Variants in ADGRD1 observed in about 807,000 individuals in gnomAD.
ADGRD1 encodes adhesion G protein-coupled receptor D1, also known as G-protein coupled receptor 133.
Under a neutral mutation model 113.4 loss-of-function variants are expected in ADGRD1, and 77 were observed. The ratio of observed to expected loss-of-function variants is 0.68; its 90% CI spans 0.57 to 0.82. The LOEUF is 0.82. ADGRD1 is among the 40% of genes least tolerant of loss of function. The pLI is 0.00. For synonymous variants in ADGRD1, 474 were observed against 475.0 expected (o/e 1.00, Z 0.03); for missense variants, 1,036 against 1,139.1 (o/e 0.91, Z 1.30).
intron 18 of ADGRD1, among the ~76,000 whole-genome samples, chr12:131,115,010 T>G (rs1950430831): frequency 6.6e-6 from 1 of 152,188 alleles, no homozygotes; most frequent in African/African-American, 2.4e-5. Context: ...GGGACAAAAC[T>G]TAATCTTAGT....
chr12:130,965,731 C>A lies in ADGRD1; in HGVS notation c.104-732C>A, dbSNP rs919524455. On this transcript the variant is annotated intron_variant, in intron 2 of 24. Transcript: ENST00000261654. This position sits in a 1 kb window ranked among gnomAD's most constrained non-coding sequence, Gnocchi z 4.8. ...TTCATATAGCATTCAATGAGAAGAG[C>A]AGAATAGAAAATAACATACCTGCAT... Among the ~76,000 whole-genome samples the A allele has an allele frequency of 6.6e-5, 10 of 152,254 alleles. No homozygotes were observed. Among genetic ancestry groups the A allele is most frequent in the African/African-American group, 2.4e-4 (10 of 41,546 alleles).
intron 6 of ADGRD1, chr12:130,989,772 C>T (rs71468461): frequency 0.09 from 13,691 of 152,286 alleles, 802 homozygotes; most frequent in Middle Eastern, 0.16. Context: ...CTGACCGGTC[C>T]GTCCAGGTGT....
rs1950936325 is a variant in ADGRD1 at position 131,131,793 on chromosome 12, C to A, written c.2244C>A (p.Ile748=). 2 of 1,612,478 alleles carry A rather than the reference C, an allele frequency of 1.2e-6. No individual in the cohort carries two copies. The highest frequency in any genetic ancestry group is 2.2e-5 in the East Asian group (1 of 44,828). The change falls in exon 21 of 25, where the codon ATC becomes ATA. Residue 748 remains isoleucine, a synonymous_variant. Coordinates refer to ENST00000261654, the MANE Select transcript of ADGRD1 (RefSeq NM_198827.5). The part of the protein sequence containing the change: ...ISQISADNYK[I]HGDPSAFKLT... ...AGATCAGCGCCGACAACTACAAGATCCATGGAGACCCCAGTGCCTTCAAGT... is the reference window on the plus strand; with the variant it reads ...AGATCAGCGCCGACAACTACAAGATACATGGAGACCCCAGTGCCTTCAAGT...
At chr12:131,118,183 G>A (rs931078902) in intron 18 of ADGRD1, among the ~76,000 whole-genome samples, 1 of 152,228 alleles carries the variant, frequency 6.6e-6, no homozygotes, top group East Asian at 1.9e-4. Context: ...GTATGAGTGT[G>A]TGTGTGTTAT....
At chr12:131,097,582 C>G (rs1274910965) in intron 15 of ADGRD1, among the ~76,000 whole-genome samples, 1 of 152,230 alleles carries the variant, frequency 6.6e-6, no homozygotes, top group East Asian at 1.9e-4. Flanking sequence ...GGCCGCCAAA[C>G]CAGGGATGCC....
chr12:131,073,507 T>C (rs1885339475), intron 13 of ADGRD1, among the ~76,000 whole-genome samples: 1 of 152,214 alleles, frequency 6.6e-6, no homozygotes, highest in South Asian at 2.1e-4. Flanking sequence ...TACCATCAAA[T>C]TTAAGGACCA....
At chr12:130,995,930 C>T (rs917579135) in intron 8 of ADGRD1, among the ~76,000 whole-genome samples, 5 of 152,086 alleles carry the variant, frequency 3.3e-5, no homozygotes, top group Admixed American at 2.0e-4. Flanking sequence ...TGCGGCCTTC[C>T]GCAGTGTTTG....
intron 18 of ADGRD1, among the ~76,000 whole-genome samples, chr12:131,114,297 G>A (rs985305080): frequency 2.6e-5 from 4 of 152,200 alleles, no homozygotes; most frequent in Admixed American, 2.6e-4. Flanking sequence ...TTTGAAAAAT[G>A]AGGAGATCCG....
chr12:130,958,204 TTTC>T (rs1236370980), intron 2 of ADGRD1, among the ~76,000 whole-genome samples: 5 of 53,506 alleles, frequency 9.3e-5, no homozygotes, highest in Admixed American at 5.6e-4. Flanking sequence ...TATCCAATCC[TTTC>T]TTTTTTTTTT....
intron 14 of ADGRD1, among the ~76,000 whole-genome samples, chr12:131,083,608 A>G (rs1280212648): frequency 1.3e-5 from 2 of 152,198 alleles, no homozygotes; most frequent in African/African-American, 4.8e-5. Flanking sequence ...CCCTGTCTCA[A>G]AGCAAACAAA....
At chr12:131,009,342 G>T (rs1877575803) in intron 12 of ADGRD1, among the ~76,000 whole-genome samples, 1 of 152,260 alleles carries the variant, frequency 6.6e-6, no homozygotes, top group Non-Finnish European at 1.5e-5. Context: ...AAGTTGGGCA[G>T]TTCCGGATTG....
intron 13 of ADGRD1, among the ~76,000 whole-genome samples, chr12:131,044,186 G>T (rs1373938957): frequency 3.4e-4 from 52 of 152,236 alleles, no homozygotes; most frequent in Admixed American, 3.4e-3. Flanking sequence ...CAGCTGTGAA[G>T]TCCTAGCTAT....
At chr12:131,033,888 A>G (rs1488251925) in intron 13 of ADGRD1, among the ~76,000 whole-genome samples, 4 of 151,944 alleles carry the variant, frequency 2.6e-5, no homozygotes, top group Non-Finnish European at 4.4e-5. Context: ...GCGTCTGTGC[A>G]TTTTCACGGC....
intron 15 of ADGRD1, among the ~76,000 whole-genome samples, chr12:131,086,925 A>C (rs1447710173): frequency 6.6e-6 from 1 of 152,204 alleles, no homozygotes; most frequent in Non-Finnish European, 1.5e-5. Context: ...TAATTTTTAG[A>C]GACAGGGTCT....
intron 18 of ADGRD1, among the ~76,000 whole-genome samples, chr12:131,114,273 G>T (rs1393290161): frequency 6.6e-6 from 1 of 152,168 alleles, no homozygotes; most frequent in Non-Finnish European, 1.5e-5. Flanking sequence ...TTTTACACAA[G>T]ATTACAAAGT....
chr12:131,005,300 G>A (rs1876945027), intron 11 of ADGRD1, among the ~76,000 whole-genome samples: 1 of 152,222 alleles, frequency 6.6e-6, no homozygotes, highest in South Asian at 2.1e-4. Flanking sequence ...GAGGGCCCAG[G>A]GATGGTGCCG....
At chr12:131,066,942 C>G (rs1414422143) in intron 13 of ADGRD1, among the ~76,000 whole-genome samples, 1 of 152,130 alleles carries the variant, frequency 6.6e-6, no homozygotes, top group Non-Finnish European at 1.5e-5. Context: ...AAGGTGGGTG[C>G]CCCCGGAGGG....
intron 16 of ADGRD1, among the ~76,000 whole-genome samples, 173 bp downstream of exon 16, chr12:131,105,107 G>A (rs111466609): frequency 0.036 from 5,490 of 152,286 alleles, 314 homozygotes; most frequent in African/African-American, 0.13. Context: ...GGTGGAACCC[G>A]AGCCAGGCAA....
chr12:131,084,531 T>C lies in ADGRD1; in HGVS notation c.1548-9T>C, dbSNP rs780467831. ...CTACCTCCTCTGATCCTTTCTCCTG[T>C]GTCCTCAGCTCCGGAGAAGGGGTCT... On this transcript the variant is annotated splice_polypyrimidine_tract_variant and intron_variant, in intron 14 of 24. Transcript: ENST00000261654. The surrounding 1 kb of genome is among the most constrained non-coding windows in gnomAD (Gnocchi z 4.5). 4 of 1,613,822 alleles carry C rather than the reference T, an allele frequency of 2.5e-6. No homozygotes were observed. The highest frequency in any genetic ancestry group is 3.4e-6 in the Non-Finnish European group (4 of 1,179,994).
Sources: gnomAD v4.1 joint callset for allele counts (sites outside exome capture counted in the v4.1 genomes callset) on GRCh38, gnomAD v4.1.1 for gene constraint, Gnocchi (gnomAD v3.1) non-coding constraint, MANE v1.5 for transcripts, NCBI Gene and HGNC (gene_info 2026-07-23, HGNC 2026-07-21) for gene names.